The following KCNT2 variants were observed in gnomAD, a reference collection of about 807,000 sequenced individuals.
KCNT2 encodes potassium channel subfamily T member 2.
KCNT2 carries 67 observed loss-of-function variants against 153.8 expected under a neutral mutation model. That is an observed-to-expected ratio of 0.44 (90% CI 0.36 to 0.53). The LOEUF (loss-of-function observed/expected upper bound fraction) is 0.53. KCNT2 is among the 20% of genes least tolerant of loss of function. The pLI, the probability that KCNT2 is intolerant of heterozygous loss-of-function variation, is 0.00. For missense variants in KCNT2, 975 were observed against 1,354.8 expected (o/e 0.72, Z 4.40); for synonymous variants, 500 against 458.8 (o/e 1.09, Z -1.15).
intron 1 of KCNT2, among the ~76,000 whole-genome samples, chr1:196,524,705 T>C (rs1430496337): frequency 6.6e-6 from 1 of 152,168 alleles, no homozygotes; most frequent in Non-Finnish European, 1.5e-5. Context: ...CCGGATATCA[T>C]TATCAAAAAA....
chr1:196,327,728 G>T (rs1294829272), intron 18 of KCNT2, among the ~76,000 whole-genome samples: 1 of 147,690 alleles, frequency 6.8e-6, no homozygotes, highest in Non-Finnish European at 1.5e-5. Flanking sequence ...GTGCAGTGGT[G>T]CAATCATCGC....
intron 14 of KCNT2, among the ~76,000 whole-genome samples, 194 bp from the exon 15 acceptor site, chr1:196,342,422 A>ATATATATATATATATATATATATG (rs1558170520): frequency 0.024 from 137 of 5,778 alleles, 3 homozygotes; most frequent in Non-Finnish European, 0.054. Context: ...TTTGAATACT[A>ATATATATATATATATATATATATG]TATATATATA....
intron 13 of KCNT2, among the ~76,000 whole-genome samples, chr1:196,383,703 T>C (rs1669704222): frequency 6.6e-6 from 1 of 152,136 alleles, no homozygotes. Context: ...ATTCGTGTCT[T>C]TAAATCAAAA....
chr1:196,595,214 A>C (rs1387733745), intron 1 of KCNT2, among the ~76,000 whole-genome samples: 1 of 152,098 alleles, frequency 6.6e-6, no homozygotes, highest in Non-Finnish European at 1.5e-5. Flanking sequence ...ATCTACTGTA[A>C]GTTTTTGAAA....
intron 12 of KCNT2, among the ~76,000 whole-genome samples, chr1:196,402,153 C>T (rs1013297643): frequency 2.6e-5 from 4 of 151,394 alleles, no homozygotes; most frequent in Non-Finnish European, 5.9e-5. Context: ...AATGTACTCC[C>T]ATTGGAATCA....
chr1:196,403,581 G>A (rs528029188), intron 12 of KCNT2, among the ~76,000 whole-genome samples: 1 of 151,284 alleles, frequency 6.6e-6, no homozygotes, highest in Non-Finnish European at 1.5e-5. Flanking sequence ...ATCAATATTG[G>A]TTCATCAGTT....
At chr1:196,489,292 C>A (rs1679677693) in intron 3 of KCNT2, among the ~76,000 whole-genome samples, 1 of 151,842 alleles carries the variant, frequency 6.6e-6, no homozygotes, top group African/African-American at 2.4e-5. Context: ...GTGCCAGGCT[C>A]TGGGGATTCA....
intron 8 of KCNT2, among the ~76,000 whole-genome samples, chr1:196,434,886 T>C (rs938743842): frequency 1.3e-5 from 2 of 151,534 alleles, no homozygotes; most frequent in Non-Finnish European, 2.9e-5. Flanking sequence ...TGAGAGGCCA[T>C]GTGAAAGAGA....
chr1:196,276,219 C>G (rs1313726424), intron 25 of KCNT2, among the ~76,000 whole-genome samples: 1 of 151,940 alleles, frequency 6.6e-6, no homozygotes, highest in Non-Finnish European at 1.5e-5. Context: ...TTTATTGGAT[C>G]AAAATTCAGG....
intron 1 of KCNT2, among the ~76,000 whole-genome samples, chr1:196,506,958 A>T (rs1377815191): frequency 6.6e-6 from 1 of 152,104 alleles, no homozygotes; most frequent in African/African-American, 2.4e-5. Context: ...CAAATCCCCT[A>T]CTAATGGATC....
chr1:196,500,680 C>T (rs1680628555), intron 1 of KCNT2, among the ~76,000 whole-genome samples: 1 of 152,056 alleles, frequency 6.6e-6, no homozygotes, highest in Non-Finnish European at 1.5e-5. Flanking sequence ...TCAAACACAA[C>T]AAAAACACAC....
At chr1:196,546,997 A>T (rs1657189192) in intron 1 of KCNT2, among the ~76,000 whole-genome samples, 1 of 152,036 alleles carries the variant, frequency 6.6e-6, no homozygotes, top group African/African-American at 2.4e-5. Flanking sequence ...AAAAAAAATC[A>T]ATGCCTGAAA....
chr1:196,373,137 T>C lies in KCNT2; in HGVS notation c.1403+3A>G, dbSNP rs758157699. ...GGTTAACTTAAAGAAAAAATATACT[T>C]ACTGCCCTCTAGAGGTATGAACCAG... On this transcript the variant is annotated splice_donor_region_variant and intron_variant, in intron 14 of 27. Transcript: ENST00000294725. 1 of 1,349,480 alleles carries C rather than the reference T, an allele frequency of 7.4e-7. No homozygotes were observed. Among genetic ancestry groups the C allele is most frequent in the East Asian group, 2.3e-5 (1 of 43,366 alleles). 83.6% of individuals were successfully genotyped at this position (1,349,480 alleles called of 1,614,324 possible). A position where few individuals can be genotyped will look rare whatever the true frequency, so the allele number is the denominator to read the frequency against.
chr1:196,520,917 G>A (rs1342071176), intron 1 of KCNT2, among the ~76,000 whole-genome samples: 1 of 152,120 alleles, frequency 6.6e-6, no homozygotes, highest in Non-Finnish European at 1.5e-5. Context: ...GACACCAAAA[G>A]CAATCACAAC....
At chr1:196,300,110 AC>A (rs1221511605) in intron 22 of KCNT2, among the ~76,000 whole-genome samples, 30 of 152,202 alleles carry the variant, frequency 2.0e-4, no homozygotes, top group African/African-American at 7.0e-4. Context: ...GTAGCAGGCT[AC>A]AAAAATTACA....
chr1:196,541,825 T>G (rs1269538839), intron 1 of KCNT2, among the ~76,000 whole-genome samples: 2 of 152,092 alleles, frequency 1.3e-5, no homozygotes, highest in Admixed American at 6.5e-5. Context: ...TTGGGAGAGA[T>G]AATGTCCAAT....
intron 8 of KCNT2, among the ~76,000 whole-genome samples, chr1:196,451,217 C>CTTTTTTTTTTTTTTTTTTTTTTTTTTTTT (rs561944079): frequency 9.4e-5 from 6 of 63,552 alleles, no homozygotes; most frequent in Admixed American, 5.5e-4. Flanking sequence ...ATCCCTCTTT[C>CTTTTTTTTTTTTTTTTTTTTTTTTTTTTT]TTTTTTTTTT....
At chr1:196,286,740 T>C (rs902148137) in intron 22 of KCNT2, among the ~76,000 whole-genome samples, 1 of 151,984 alleles carries the variant, frequency 6.6e-6, no homozygotes, top group African/African-American at 2.4e-5. Flanking sequence ...AAAAATTCTG[T>C]TGCAATTTTT....
intron 1 of KCNT2, among the ~76,000 whole-genome samples, chr1:196,503,932 T>A (rs1680903739): frequency 6.6e-6 from 1 of 152,216 alleles, no homozygotes; most frequent in South Asian, 2.1e-4. Flanking sequence ...TCTCTTAGTA[T>A]GTAATGCACT....
Sources: gnomAD v4.1 joint callset for allele counts (sites outside exome capture counted in the v4.1 genomes callset) on GRCh38, gnomAD v4.1.1 for gene constraint, MANE v1.5 for transcripts, NCBI Gene and HGNC (gene_info 2026-07-23, HGNC 2026-07-21) for gene names.